CSNK2A2IP: variants seen among roughly 807,000 people sequenced by gnomAD.
CSNK2A2IP encodes casein kinase II subunit alpha'-interacting protein.
the CSNK2A2IP span, among the ~76,000 whole-genome samples, chr3:88,395,345 G>C: frequency 2.0e-5 from 3 of 152,024 alleles, no homozygotes; most frequent in Admixed American, 6.6e-5. Flanking sequence ...GGTAATTTTT[G>C]AGAATGATAT....
the CSNK2A2IP span, among the ~76,000 whole-genome samples, chr3:88,350,049 G>T: frequency 6.6e-6 from 1 of 151,956 alleles, no homozygotes; most frequent in Non-Finnish European, 1.5e-5. Context: ...TCAATAAAAT[G>T]AACAATATGA....
the CSNK2A2IP span, among the ~76,000 whole-genome samples, chr3:88,352,193 G>C: frequency 3.3e-5 from 5 of 152,046 alleles, no homozygotes; most frequent in African/African-American, 1.2e-4. Context: ...TTGTTAGTGA[G>C]TTCATGTTAA....
At chr3:88,391,984 G>A in the CSNK2A2IP span, among the ~76,000 whole-genome samples, 1 of 152,130 alleles carries the variant, frequency 6.6e-6, no homozygotes, top group Admixed American at 6.5e-5. Flanking sequence ...AAGAAATGAC[G>A]GTGCATTGAT....
the CSNK2A2IP span, among the ~76,000 whole-genome samples, chr3:88,373,295 A>G: frequency 6.6e-6 from 1 of 151,480 alleles, no homozygotes. Flanking sequence ...ATCTGACCAC[A>G]GTGGAACCAG....
chr3:88,416,794 G>A, the CSNK2A2IP span, among the ~76,000 whole-genome samples: 1 of 152,084 alleles, frequency 6.6e-6, no homozygotes, highest in African/African-American at 2.4e-5. Flanking sequence ...CCAAAGAGCT[G>A]AGATTTTATC....
the CSNK2A2IP span, among the ~76,000 whole-genome samples, chr3:88,447,220 A>G: frequency 3.1e-3 from 473 of 152,266 alleles, 1 homozygote; most frequent in Middle Eastern, 6.8e-3. Flanking sequence ...AGAAACATAA[A>G]TGGCCAAAAT....
chr3:88,446,029 C>T, the CSNK2A2IP span, among the ~76,000 whole-genome samples: 350 of 33,246 alleles, frequency 0.011, 11 homozygotes, highest in Non-Finnish European at 0.019. Context: ...TTCTTTGTTT[C>T]TTTTCTTTCT....
At chr3:88,432,420 T>C in the CSNK2A2IP span, among the ~76,000 whole-genome samples, 14 of 151,838 alleles carry the variant, frequency 9.2e-5, no homozygotes, top group Non-Finnish European at 1.8e-4. Context: ...AAGTATCTAA[T>C]GTACAACATG....
the CSNK2A2IP span, among the ~76,000 whole-genome samples, chr3:88,461,141 T>C: frequency 1.3e-5 from 2 of 152,210 alleles, no homozygotes; most frequent in African/African-American, 2.4e-5. Flanking sequence ...ATATATTCTG[T>C]TAATTTTCAT....
At chr3:88,397,869 T>A in the CSNK2A2IP span, among the ~76,000 whole-genome samples, 1 of 152,030 alleles carries the variant, frequency 6.6e-6, no homozygotes, top group East Asian at 1.9e-4. Context: ...TGATAATACA[T>A]AAATTGTTCA....
chr3:88,442,562 G>A, the CSNK2A2IP span, among the ~76,000 whole-genome samples: 1 of 151,998 alleles, frequency 6.6e-6, no homozygotes, highest in South Asian at 2.1e-4. Flanking sequence ...GATCATGTAT[G>A]CATTATTGAA....
chr3:88,384,236 TAAGA>T, the CSNK2A2IP span, among the ~76,000 whole-genome samples: 3 of 152,006 alleles, frequency 2.0e-5, no homozygotes, highest in African/African-American at 7.3e-5. Flanking sequence ...TGAAAAATGC[TAAGA>T]AAGAAAGAGT....
chr3:88,349,665 C>A, the CSNK2A2IP span, among the ~76,000 whole-genome samples: 1 of 151,986 alleles, frequency 6.6e-6, no homozygotes, highest in African/African-American at 2.4e-5. Flanking sequence ...AGTGGGATTG[C>A]TGAATTGAAT....
the CSNK2A2IP span, among the ~76,000 whole-genome samples, chr3:88,449,872 T>TAGAGAGAGAGAGAGAGAGAGAGAG: frequency 5.2e-4 from 41 of 79,028 alleles, no homozygotes; most frequent in Non-Finnish European, 8.5e-4. Flanking sequence ...TATATATATA[T>TAGAGAGAGAGAGAGAGAGAGAGAG]ATAGAGAGAG....
chr3:88,388,380 T>C, the CSNK2A2IP span, among the ~76,000 whole-genome samples: 1 of 152,220 alleles, frequency 6.6e-6, no homozygotes, highest in Non-Finnish European at 1.5e-5. Flanking sequence ...TCTGCACATA[T>C]ATTATTCAAT....
chr3:88,435,405 A>G, the CSNK2A2IP span, among the ~76,000 whole-genome samples: 1 of 152,172 alleles, frequency 6.6e-6, no homozygotes, highest in Non-Finnish European at 1.5e-5. Context: ...TATTCTTAAG[A>G]AAGAGGCACA....
chr3:88,421,562 A>T, the CSNK2A2IP span, among the ~76,000 whole-genome samples: 2 of 152,026 alleles, frequency 1.3e-5, no homozygotes, highest in African/African-American at 4.8e-5. Flanking sequence ...TTACAGGTGC[A>T]TGCCACCACG....
At chr3:88,398,906 G>A in the CSNK2A2IP span, among the ~76,000 whole-genome samples, 937 of 152,202 alleles carry the variant, frequency 6.2e-3, 7 homozygotes, top group African/African-American at 0.021. Flanking sequence ...ATGCTCAATA[G>A]ATATCTGAGG....
the CSNK2A2IP span, among the ~76,000 whole-genome samples, chr3:88,377,605 A>G: frequency 6.6e-6 from 1 of 151,872 alleles, no homozygotes; most frequent in Non-Finnish European, 1.5e-5. Flanking sequence ...AATAGTAATA[A>G]TAGTGAAAAA....
Sources: gnomAD v4.1 joint callset for allele counts (sites outside exome capture counted in the v4.1 genomes callset) on GRCh38, gnomAD v4.1.1 for gene constraint, MANE v1.5 for transcripts, NCBI Gene and HGNC (gene_info 2026-07-23, HGNC 2026-07-21) for gene names.